KIF5C: variants seen among roughly 807,000 people sequenced by gnomAD.
KIF5C encodes the protein kinesin family member 5C, also known as kinesin heavy chain isoform 5C.
Under a neutral mutation model 125.2 loss-of-function variants are expected in KIF5C, and 18 were observed. The observed-to-expected ratio is 0.14, with a 90% CI of 0.10 to 0.21. KIF5C has a LOEUF of 0.21. Among genes scored for constraint, KIF5C ranks in the 10% least tolerant of loss-of-function variants. The pLI, the probability that KIF5C is intolerant of heterozygous loss-of-function variation, is 1.00. For missense variants in KIF5C, 780 were observed against 1,183.8 expected (o/e 0.66, Z 5.01); for synonymous variants, 405 against 434.0 (o/e 0.93, Z 0.83).
At chr2:148,878,624 T>G (rs1452952338) in intron 1 of KIF5C, 1 of 152,258 alleles carries the variant, frequency 6.6e-6, no homozygotes, top group Non-Finnish European at 1.5e-5. Context: ...TAATTGATAA[T>G]GTGGCACTAA....
chr2:148,993,518 A>G (rs1347678391), intron 16 of KIF5C, among the ~76,000 whole-genome samples: 1 of 152,234 alleles, frequency 6.6e-6, no homozygotes, highest in Non-Finnish European at 1.5e-5. Flanking sequence ...CAGTCTTTCC[A>G]GCTGAAATGC....
At position 148,875,575 on chromosome 2, in the gene KIF5C, G is replaced by GGCCCCCCCCCCCCCCCCTTCCCC; in HGVS notation, c.-43_-42insGCCCCCCCCCCCCCCCCTTCCCC. ...TCCTCCCTCGTCGTTCCCGGCCCCG[G>GGCCCCCCCCCCCCCCCCTTCCCC]CCCCCCACCCATCCCCGTGCCCCCT... On this transcript the variant is annotated 5_prime_UTR_variant, in exon 1 of 26. Coordinates refer to ENST00000435030, the MANE Select transcript of KIF5C (RefSeq NM_004522.3). The GGCCCCCCCCCCCCCCCCTTCCCC allele has an allele frequency of 1.4e-6, 1 of 699,606 alleles. No individual in the cohort carries two copies. The highest frequency in any genetic ancestry group is 1.6e-5 in the South Asian group (1 of 64,500). The allele number at this position is 699,606 out of a possible 1,614,324, so 43.3% of individuals were successfully genotyped here.
chr2:148,930,388 C>G (rs1187301402), intron 3 of KIF5C, among the ~76,000 whole-genome samples: 1 of 150,422 alleles, frequency 6.6e-6, no homozygotes, highest in African/African-American at 2.5e-5. Context: ...GATAATTCTT[C>G]TAAAGGTGAG....
intron 15 of KIF5C, among the ~76,000 whole-genome samples, chr2:148,987,135 C>T (rs1239565886): frequency 1.3e-5 from 2 of 152,192 alleles, no homozygotes; most frequent in African/African-American, 4.8e-5. Context: ...GGAAGAATGA[C>T]AGGGACTTAT....
rs78387587 is a variant in KIF5C, at chr2:148,920,456, C to T, written c.127-1681C>T. On this transcript the variant is annotated intron_variant, in intron 1 of 25. Coordinates refer to ENST00000435030, the MANE Select transcript of KIF5C (RefSeq NM_004522.3). Reference sequence around the variant, plus strand: ...TAGTCTATTGGTTATTCAACCAAATCCTTGATTCACTAACTGAAGGAAACT... The same window carrying T: ...TAGTCTATTGGTTATTCAACCAAATTCTTGATTCACTAACTGAAGGAAACT... Among the ~76,000 whole-genome samples, 41 of 152,286 alleles carry T rather than the reference C, an allele frequency of 2.7e-4. No individual in the cohort carries two copies. The East Asian group carries it at 7.1e-3, about 27-fold the overall frequency.
In KIF5C at chr2:148,915,226, C is replaced by T. The variant is rs140295596; in HGVS notation, c.127-6911C>T. On this transcript the variant is annotated intron_variant, in intron 1 of 25. Coordinates refer to ENST00000435030, the MANE Select transcript of KIF5C (RefSeq NM_004522.3). ...GAAATACAGTGTGCGTCTCCTGTATCGTACACCATTTGAGAGTGGCACCCT... is the reference window on the plus strand; with the variant it reads ...GAAATACAGTGTGCGTCTCCTGTATTGTACACCATTTGAGAGTGGCACCCT... 9.2e-5 allele frequency among the ~76,000 whole-genome samples: 14 copies of T among 152,214 alleles called. No homozygotes were observed. The East Asian group carries it at 1.9e-3, about 21-fold the overall frequency.
chr2:149,020,833 C>T (rs1682513746), intron 25 of KIF5C, among the ~76,000 whole-genome samples: 1 of 152,158 alleles, frequency 6.6e-6, no homozygotes. Flanking sequence ...CAACTATGAC[C>T]ATGCTTTTAG....
intron 25 of KIF5C, among the ~76,000 whole-genome samples, chr2:149,013,771 C>G (rs1228921091): frequency 6.6e-6 from 1 of 152,116 alleles, no homozygotes; most frequent in Non-Finnish European, 1.5e-5. Context: ...CAAAGGTCTG[C>G]CAGTCCCATA....
chr2:148,996,898 G>T (rs928583816), intron 17 of KIF5C, among the ~76,000 whole-genome samples: 2 of 152,156 alleles, frequency 1.3e-5, no homozygotes, highest in East Asian at 1.9e-4. Context: ...CATCTGTAAG[G>T]CCCGTTCATG....
intron 10 of KIF5C, among the ~76,000 whole-genome samples, chr2:148,954,752 C>T (rs1394231640): frequency 6.6e-6 from 1 of 152,128 alleles, no homozygotes; most frequent in Non-Finnish European, 1.5e-5. Context: ...TGTCATCTGC[C>T]AGTTTAGTGG....
intron 9 of KIF5C, 122 bp from the exon 10 acceptor site, chr2:148,950,192 C>G (rs1682625078): frequency 6.8e-7 from 1 of 1,461,572 alleles, no homozygotes; most frequent in African/African-American, 1.4e-5. Context: ...ATCCAAAGAC[C>G]CAGCCACAAA....
intron 1 of KIF5C, among the ~76,000 whole-genome samples, chr2:148,899,744 A>C (rs2105055058): frequency 6.6e-6 from 1 of 151,396 alleles, no homozygotes; most frequent in East Asian, 1.9e-4. Flanking sequence ...TTGGATAATT[A>C]CTACTCCTCA....
At chr2:148,999,491 T>C (rs1261208716) in intron 19 of KIF5C, among the ~76,000 whole-genome samples, 2 of 152,140 alleles carry the variant, frequency 1.3e-5, no homozygotes, top group African/African-American at 2.4e-5. Flanking sequence ...CAAGCAAAAG[T>C]CTAAATGGTG....
chr2:148,971,933 A>T lies in KIF5C; in HGVS notation c.1118-1403A>T, dbSNP rs1281481227. On this transcript the variant is annotated intron_variant, in intron 11 of 25. Transcript: ENST00000435030. ...CTCAGTTACTCTATTATTTATTTTTATTTATTTATTTATTTATTGAGACAA... is the reference window on the plus strand; with the variant it reads ...CTCAGTTACTCTATTATTTATTTTTTTTTATTTATTTATTTATTGAGACAA... 2.6e-5 allele frequency among the ~76,000 whole-genome samples: 4 copies of T among 152,008 alleles called. No individual in the cohort carries two copies. In the East Asian group the frequency reaches 7.7e-4, roughly 29 times the overall value.
At chr2:148,887,414 A>G (rs1478573738) in intron 1 of KIF5C, among the ~76,000 whole-genome samples, 1 of 151,630 alleles carries the variant, frequency 6.6e-6, no homozygotes, top group Non-Finnish European at 1.5e-5. Flanking sequence ...TGGAGAGTCT[A>G]TTGTGTGCTA....
intron 10 of KIF5C, among the ~76,000 whole-genome samples, chr2:148,952,840 G>C (rs1018193958): frequency 6.6e-6 from 1 of 152,194 alleles, no homozygotes; most frequent in South Asian, 2.1e-4. Flanking sequence ...ATCGGTGATT[G>C]CAAGTTCTGC....
intron 10 of KIF5C, among the ~76,000 whole-genome samples, chr2:148,960,361 A>G (rs1032605551): frequency 1.3e-5 from 2 of 152,112 alleles, no homozygotes; most frequent in African/African-American, 4.8e-5. Context: ...GCCATGAGTT[A>G]TTTTTCACTT....
chr2:148,923,385 C>T (rs1182385785), intron 2 of KIF5C, among the ~76,000 whole-genome samples: 1 of 152,062 alleles, frequency 6.6e-6, no homozygotes, highest in East Asian at 1.9e-4. Flanking sequence ...TTTTGAAGGT[C>T]TTCACAGTGA....
At chr2:148,884,061 C>T (rs767212085) in intron 1 of KIF5C, 1 of 152,190 alleles carries the variant, frequency 6.6e-6, no homozygotes, top group Non-Finnish European at 1.5e-5. Flanking sequence ...CCTTCATATT[C>T]GAGCTAAATT....
Sources: allele counts gnomAD v4.1 joint callset (sites outside exome capture counted in the v4.1 genomes callset), GRCh38; gene constraint gnomAD v4.1.1; transcripts MANE v1.5; gene names NCBI Gene and HGNC (gene_info 2026-07-23, HGNC 2026-07-21).